GIGYF1: variants seen among roughly 807,000 people sequenced by gnomAD.
GIGYF1 encodes GRB10 interacting GYF protein 1.
In GIGYF1, 84 loss-of-function variants were observed where a neutral mutation model predicts 147.1. The ratio of observed to expected loss-of-function variants is 0.57; its 90% CI spans 0.48 to 0.68. The LOEUF is 0.68. Ranked by LOEUF, GIGYF1 falls within the 30% of genes least tolerant of loss-of-function variation. GIGYF1 has a pLI of 0.00. For synonymous variants in GIGYF1, 752 were observed against 589.5 expected (o/e 1.28, Z -3.99); for missense variants, 1,485 against 1,393.7 (o/e 1.07, Z -1.04).
intron 1 of GIGYF1, among the ~76,000 whole-genome samples, chr7:100,691,389 T>G (rs139071795): frequency 7.5e-4 from 114 of 152,280 alleles, no homozygotes; most frequent in African/African-American, 2.6e-3. Flanking sequence ...GGAAGGCAGG[T>G]GTGTGCACGC....
chr7:100,684,954 G>T (rs1472147029), intron 14 of GIGYF1, 60 bp from the exon 15 acceptor site: 4 of 1,586,984 alleles, frequency 2.5e-6, no homozygotes, highest in Non-Finnish European at 3.4e-6. Context: ...TCAGGATGGG[G>T]ATGGGGATGG....
intron 8 of GIGYF1, 102 bp downstream of exon 8, chr7:100,687,196 A>T: frequency 1.4e-6 from 2 of 1,456,416 alleles, no homozygotes; most frequent in Non-Finnish European, 1.9e-6. Flanking sequence ...GGGATCTCGG[A>T]CAGGGCTTAT....
rs1040286264 is a variant in GIGYF1, at chr7:100,680,342, G to A, written c.*1377C>T. ...CCTAATACTGCACTCTGAGCAATGA[G>A]GTCAATGGGAGGAGCTGGATGAGAA... On this transcript the variant is annotated 3_prime_UTR_variant, in exon 27 of 27. Coordinates refer to ENST00000678049, the MANE Select transcript of GIGYF1 (RefSeq NM_001375765.1). 1 of 152,606 alleles carries A rather than the reference G, an allele frequency of 6.6e-6. No individual in the cohort carries two copies. The highest frequency in any genetic ancestry group is 6.5e-5 in the Admixed American group (1 of 15,280). The allele number at this position is 152,606 out of a possible 1,614,324, so 9.5% of individuals were successfully genotyped here. A position where few individuals can be genotyped will look rare whatever the true frequency, so the allele number is the denominator to read the frequency against.
At chr7:100,691,907 T>C (rs988028880) in intron 1 of GIGYF1, among the ~76,000 whole-genome samples, 2 of 152,272 alleles carry the variant, frequency 1.3e-5, no homozygotes, top group Non-Finnish European at 2.9e-5. Context: ...AAAGGGAGCC[T>C]GCTCTCTGGG....
At chr7:100,681,842 C>T in intron 26 of GIGYF1, 22 bp downstream of exon 26, 1 of 1,611,200 alleles carries the variant, frequency 6.2e-7, no homozygotes, top group East Asian at 2.2e-5. Flanking sequence ...GGAAGTCCCG[C>T]TCCTGCCCCA....
rs1342249090 is a variant in GIGYF1, at chr7:100,681,198, CCA to C, written c.*519_*520del. On this transcript the variant is annotated 3_prime_UTR_variant, in exon 27 of 27. Transcript: ENST00000678049. ...TGTGCAAACTGCTGGCCCCCAGCTT[CCA>C]GTTACCCCATGGCCCGCCTTCTGGG... 1.3e-5 allele frequency: 2 copies of C among 152,710 alleles called. No homozygotes were observed. Among genetic ancestry groups the C allele is most frequent in the African/African-American group, 4.8e-5 (2 of 41,462 alleles). 9.5% of individuals were successfully genotyped at this position (152,710 alleles called of 1,614,324 possible). A position where few individuals can be genotyped will look rare whatever the true frequency, so the allele number is the denominator to read the frequency against.
In GIGYF1 at chr7:100,685,095, G is replaced by A. The variant is rs1317358777; in HGVS notation, c.1244C>T (p.Pro415Leu). ...LSPGVGSSAG[P>L]PGDLEDDEGL... Reference sequence around the variant, plus strand: ...TTCATCATCCTCCAGATCTCCGGGTGGGCCAGCAGAGGAGCCCACCCCGGG... The same window carrying A: ...TTCATCATCCTCCAGATCTCCGGGTAGGCCAGCAGAGGAGCCCACCCCGGG... The change falls in exon 14 of 27, where the codon CCA becomes CTA. Residue 415 changes from proline (P) to leucine (L), a missense_variant. Transcript: ENST00000678049. The A allele has an allele frequency of 2.5e-6, 4 of 1,581,942 alleles. No individual in the cohort carries two copies. Among genetic ancestry groups the A allele is most frequent in the Non-Finnish European group, 3.4e-6 (4 of 1,162,946 alleles).
At chr7:100,684,943 A>G in intron 14 of GIGYF1, 49 bp from the exon 15 acceptor site, 1 of 1,595,668 alleles carries the variant, frequency 6.3e-7, no homozygotes, top group Non-Finnish European at 8.5e-7. Context: ...TCTCAGCAAC[A>G]TCAGGATGGG....
In GIGYF1 at chr7:100,680,606, C is replaced by T. The variant is rs1241944224; in HGVS notation, c.*1113G>A. ...GGGTCAGGTGCAGAGCTGGGTGGTCCACATCTTACGAGCTGGCTACAGGTT... is the reference window on the plus strand; with the variant it reads ...GGGTCAGGTGCAGAGCTGGGTGGTCTACATCTTACGAGCTGGCTACAGGTT... On this transcript the variant is annotated 3_prime_UTR_variant, in exon 27 of 27. Transcript: ENST00000678049. The T allele has an allele frequency of 6.6e-6, 1 of 152,432 alleles. No individual in the cohort carries two copies. The allele number at this position is 152,432 out of a possible 1,614,324, so 9.4% of individuals were successfully genotyped here. A position where few individuals can be genotyped will look rare whatever the true frequency, so the allele number is the denominator to read the frequency against.
intron 18 of GIGYF1, 32 bp downstream of exon 18, chr7:100,683,988 C>A: frequency 6.3e-7 from 1 of 1,591,082 alleles, no homozygotes; most frequent in South Asian, 1.1e-5. Context: ...CCCCCCCACC[C>A]TGTATCCTGA....
At chr7:100,694,022 G>A (rs1806045549) in intron 1 of GIGYF1, 88 bp downstream of exon 1, 1 of 146,744 alleles carries the variant, frequency 6.8e-6, no homozygotes, top group African/African-American at 2.5e-5. Context: ...CTAGCTCGCG[G>A]GCTCGGCGCG....
In GIGYF1 at chr7:100,682,129, T is replaced by C; in HGVS notation, c.2868A>G (p.Lys956=). 6.2e-7 allele frequency: 1 copy of C among 1,613,974 alleles called. No homozygotes were observed. The highest frequency in any genetic ancestry group is 8.5e-7 in the Non-Finnish European group (1 of 1,179,938). Residue 956 remains lysine, a synonymous_variant, in exon 25 of 27, where the codon AAA becomes AAG. Transcript: ENST00000678049. The part of the protein sequence containing the change: ...GDTLEAKEFA[K]QFLERRAKQK... ...GCTTGGCCCTCCGCTCCAGGAATTG[T>C]TTGGCAAATTCTTTGGCTTCCAGCG...
rs1050101720 is a variant in GIGYF1, at chr7:100,681,581, T to G, written c.*138A>C. 6.5e-6 allele frequency: 4 copies of G among 614,046 alleles called. No homozygotes were observed. The African/African-American group carries it at 7.5e-5, about 11-fold the overall frequency. 38.0% of individuals were successfully genotyped at this position (614,046 alleles called of 1,614,324 possible). On this transcript the variant is annotated 3_prime_UTR_variant, in exon 27 of 27. Coordinates refer to ENST00000678049, the MANE Select transcript of GIGYF1 (RefSeq NM_001375765.1). ...GTGGTGGGTGAGTTAAGGTGCATCG[T>G]GTGTTTGTAACAAGTGCTGGGGACC...
At position 100,687,632 on chromosome 7, in the gene GIGYF1, G is replaced by C; in HGVS notation, c.262-16C>G. Reference sequence around the variant, plus strand: ...AGAAGTTTCTCTGAGGAGGGAGCCAGGGGCGGGAGTGAGGACCCAGGCACC... The same window carrying C: ...AGAAGTTTCTCTGAGGAGGGAGCCACGGGCGGGAGTGAGGACCCAGGCACC... On this transcript the variant is annotated splice_polypyrimidine_tract_variant and intron_variant, in intron 6 of 26. Transcript: ENST00000678049. 1.9e-6 allele frequency: 3 copies of C among 1,597,346 alleles called. No homozygotes were observed. Among genetic ancestry groups the C allele is most frequent in the Non-Finnish European group, 1.7e-6 (2 of 1,171,214 alleles).
Position 100,685,554 on chromosome 7 carries a change from G to A in GIGYF1, c.1055-73C>T, listed in dbSNP as rs1259293711. ...CACGCGAGTTAGCACAAGCCCTTGA[G>A]TGTGGCTGGAACCGCGGGTCACACT... is the stretch of plus-strand genomic sequence containing the variant. On this transcript the variant is annotated intron_variant, in intron 12 of 26. Transcript: ENST00000678049. The A allele has an allele frequency of 3.2e-6, 5 of 1,546,654 alleles. No individual in the cohort carries two copies. In the South Asian group the frequency reaches 4.8e-5, roughly 15 times the overall value.
chr7:100,686,355 C>A lies in GIGYF1; in HGVS notation c.773G>T (p.Arg258Leu). Residue 258 changes from arginine to leucine, a missense_variant, in exon 11 of 27, where the codon CGA (arginine) becomes CTA (leucine). Coordinates refer to ENST00000678049, the MANE Select transcript of GIGYF1 (RefSeq NM_001375765.1). ...CCCCTCCTCTTCACCACACCCTCCT[C>A]GATCCCCTCGCAAATCAAATTCAAA... Reference protein sequence around the residue: ...RKFEFDLRGDRGGCGEEEGRG... With the variant: ...RKFEFDLRGDLGGCGEEEGRG... The A allele has an allele frequency of 6.2e-7, 1 of 1,612,950 alleles. No individual in the cohort carries two copies. The highest frequency in any genetic ancestry group is 8.5e-7 in the Non-Finnish European group (1 of 1,179,624).
chr7:100,688,145 A>G, intron 4 of GIGYF1, 35 bp from the exon 5 acceptor site: 1 of 1,607,112 alleles, frequency 6.2e-7, no homozygotes, highest in Non-Finnish European at 8.5e-7. Flanking sequence ...GACAGAGGTC[A>G]GGGCAGCCTG....
rs1296491890 is a variant in GIGYF1 at position 100,687,341 on chromosome 7, G to C, written c.439C>G (p.Arg147Gly). ...SIEEGDGAFG[R>G]SPREIQRSQS... is the part of the protein sequence containing the mutation. ...CTGCGCTGGATTTCCCGGGGGCTTC[G>C]TCCAAAGGCCCCATCGCCTTCTTCG... Residue 147 changes from arginine to glycine, a missense_variant, in exon 8 of 27, where the codon CGA (arginine) becomes GGA (glycine). Coordinates refer to ENST00000678049, the MANE Select transcript of GIGYF1 (RefSeq NM_001375765.1). 2 of 1,613,144 alleles carry C rather than the reference G, an allele frequency of 1.2e-6. No homozygotes were observed. Among genetic ancestry groups the C allele is most frequent in the South Asian group, 1.1e-5 (1 of 91,090 alleles).
chr7:100,682,884 A>C, intron 22 of GIGYF1, 107 bp from the exon 23 acceptor site: 1 of 1,286,742 alleles, frequency 7.8e-7, no homozygotes, highest in Non-Finnish European at 1.0e-6. Context: ...GAGGGCCACA[A>C]GAGCTGTTGC....
Sources: gnomAD v4.1 joint callset for allele counts (sites outside exome capture counted in the v4.1 genomes callset) on GRCh38, gnomAD v4.1.1 for gene constraint, MANE v1.5 for transcripts, NCBI Gene and HGNC (gene_info 2026-07-23, HGNC 2026-07-21) for gene names.